OR9Q1: variants seen among roughly 807,000 people sequenced by gnomAD.
OR9Q1 encodes olfactory receptor 9Q1.
For missense variants in OR9Q1, 374 were observed against 378.8 expected, an observed-to-expected ratio of 0.99 and a Z score of 0.11; for synonymous variants, 153 against 148.6, an observed-to-expected ratio of 1.03 and a Z score of -0.22.
intron 2 of OR9Q1, chr11:58,118,809 G>A (rs752721823): frequency 2.2e-5 from 35 of 1,613,938 alleles, no homozygotes; most frequent in Non-Finnish European, 2.7e-5. Context: ...TCAGGATGAC[G>A]GAGGCATTGG....
intron 2 of OR9Q1, among the ~76,000 whole-genome samples, chr11:58,128,781 A>G (rs1854113650): frequency 6.6e-6 from 1 of 152,358 alleles, no homozygotes. Flanking sequence ...AAAATTCCAT[A>G]TGTCAAAACA....
rs1177774274 is a variant in OR9Q1, at chr11:58,179,990, T to C, written c.546T>C (p.Pro182=). 6.2e-7 allele frequency: 1 copy of C among 1,614,128 alleles called. No homozygotes were observed. Among genetic ancestry groups the C allele is most frequent in the South Asian group, 1.1e-5 (1 of 91,072 alleles). Residue 182 remains proline (P), a synonymous_variant, in exon 3 of 3, where the codon CCT becomes CCC. Coordinates refer to ENST00000335397, the MANE Select transcript of OR9Q1 (RefSeq NM_001005212.4). The part of the protein sequence containing the change: ...SEIDFIFCDL[P]PLLKLTCGES... ...TTGACTTTATTTTCTGTGACCTCCC[T>C]CCTCTGTTAAAGTTGACCTGTGGGG...
intron 2 of OR9Q1, among the ~76,000 whole-genome samples, chr11:58,100,941 A>G (rs1378782433): frequency 1.3e-5 from 2 of 152,074 alleles, no homozygotes; most frequent in Non-Finnish European, 2.9e-5. Flanking sequence ...ACATTTTCTC[A>G]TTCATATGTG....
intron 1 of OR9Q1, chr11:58,047,428 G>A (rs887331616): frequency 6.6e-6 from 1 of 152,174 alleles, no homozygotes; most frequent in Non-Finnish European, 1.5e-5. Flanking sequence ...GTCCTGACAG[G>A]TCTGGGAGAA....
intron 1 of OR9Q1, among the ~76,000 whole-genome samples, chr11:58,053,768 A>T (rs1251833394): frequency 1.3e-5 from 2 of 150,724 alleles, no homozygotes; most frequent in African/African-American, 2.4e-5. Context: ...CTCTTGGATT[A>T]TGTGACTATC....
At chr11:58,031,626 T>C (rs1413682355) in intron 1 of OR9Q1, 1 of 1,608,876 alleles carries the variant, frequency 6.2e-7, no homozygotes, top group Non-Finnish European at 8.5e-7. Flanking sequence ...TATGGCAACA[T>C]CGTCTGGACA....
At chr11:58,070,301 C>T (rs765889511) in intron 2 of OR9Q1, among the ~76,000 whole-genome samples, 28 of 151,936 alleles carry the variant, frequency 1.8e-4, no homozygotes, top group Non-Finnish European at 4.0e-4. Flanking sequence ...CAGGTGTGAA[C>T]CACCATGTCT....
chr11:58,179,085 G>A (rs111500986), intron 2 of OR9Q1, among the ~76,000 whole-genome samples: 7,696 of 149,648 alleles, frequency 0.051, 661 homozygotes, highest in African/African-American at 0.18. Context: ...GTGCCATCTC[G>A]GCTCACTGCC....
At chr11:58,067,626 T>C (rs1853442566) in intron 2 of OR9Q1, among the ~76,000 whole-genome samples, 2 of 152,204 alleles carry the variant, frequency 1.3e-5, no homozygotes, top group African/African-American at 2.4e-5. Flanking sequence ...AAGGCCAGTA[T>C]TGGGATTGTA....
rs35079058 is a variant in OR9Q1 at position 58,048,696 on chromosome 11, T to TATATATATATATA, written c.-92-7174_-92-7173insATATATATATATA. Reference sequence around the variant, plus strand: ...AAAAAAAAAATATATATATATATATTTTTTAGCAAGACTAATAAAAAAAGA... The same window carrying TATATATATATATA: ...AAAAAAAAAATATATATATATATATTATATATATATATATTTTAGCAAGACTAATAAAAAAAGA... On this transcript the variant is annotated intron_variant, in intron 1 of 2. Coordinates refer to ENST00000335397, the MANE Select transcript of OR9Q1 (RefSeq NM_001005212.4). 1.8e-4 allele frequency among the ~76,000 whole-genome samples: 23 copies of TATATATATATATA among 127,690 alleles called. No individual in the cohort carries two copies. In the South Asian group the frequency reaches 2.0e-3, roughly 11 times the overall value. 83.8% of individuals were successfully genotyped at this position (127,690 alleles called of 152,430 possible). A position where few individuals can be genotyped will look rare whatever the true frequency, so the allele number is the denominator to read the frequency against.
intron 1 of OR9Q1, among the ~76,000 whole-genome samples, chr11:58,035,267 G>GA (rs58981671): frequency 6.8e-4 from 104 of 151,998 alleles, no homozygotes; most frequent in Admixed American, 1.2e-3. Context: ...TGCAGAAAAA[G>GA]AAAAAAAACA....
chr11:58,062,922 T>G (rs1258512099), intron 2 of OR9Q1, among the ~76,000 whole-genome samples: 2 of 152,152 alleles, frequency 1.3e-5, no homozygotes, highest in African/African-American at 4.8e-5. Flanking sequence ...GATAGGCCTT[T>G]TGAGAGCCAT....
intron 2 of OR9Q1, chr11:58,119,546 A>C (rs1854004600): frequency 1.3e-6 from 1 of 768,204 alleles, no homozygotes; most frequent in Non-Finnish European, 2.1e-6. Flanking sequence ...TTTTGGTTTT[A>C]ATTCTGGGTC....
chr11:58,146,023 C>T (rs1256217506), intron 2 of OR9Q1, among the ~76,000 whole-genome samples: 1 of 152,048 alleles, frequency 6.6e-6, no homozygotes, highest in Non-Finnish European at 1.5e-5. Context: ...AGCCTGCTTC[C>T]CAAGATGGCA....
chr11:58,047,373 T>A (rs1325922947), intron 1 of OR9Q1: 1 of 152,214 alleles, frequency 6.6e-6, no homozygotes, highest in Non-Finnish European at 1.5e-5. Context: ...AGAAGCTCTT[T>A]TCCAGAAGGT....
chr11:58,039,625 C>T (rs1853140912), intron 1 of OR9Q1, among the ~76,000 whole-genome samples: 2 of 152,200 alleles, frequency 1.3e-5, no homozygotes, highest in Non-Finnish European at 2.9e-5. Flanking sequence ...GGTCACTTCA[C>T]TGGGTCTGTG....
intron 2 of OR9Q1, among the ~76,000 whole-genome samples, chr11:58,165,786 C>G (rs1854495190): frequency 6.6e-6 from 1 of 152,202 alleles, no homozygotes. Context: ...TTGAGTAATA[C>G]TTTAAAGACA....
chr11:58,030,028 G>A (rs1853015332), intron 1 of OR9Q1, among the ~76,000 whole-genome samples: 1 of 151,974 alleles, frequency 6.6e-6, no homozygotes, highest in African/African-American at 2.4e-5. Flanking sequence ...TTTTAATAGA[G>A]ACAGGGTTTC....
chr11:58,151,309 A>T (rs1467486507), intron 2 of OR9Q1, among the ~76,000 whole-genome samples: 1 of 152,136 alleles, frequency 6.6e-6, no homozygotes, highest in African/African-American at 2.4e-5. Context: ...GTTCCTTTTT[A>T]CCAGTGGGGC....
Sources: gnomAD v4.1 joint callset for allele counts (sites outside exome capture counted in the v4.1 genomes callset) on GRCh38, gnomAD v4.1.1 for gene constraint, MANE v1.5 for transcripts, NCBI Gene and HGNC (gene_info 2026-07-23, HGNC 2026-07-21) for gene names.